SLC44A5: variants seen among roughly 807,000 people sequenced by gnomAD.
SLC44A5 encodes solute carrier family 44 member 5, also known as choline transporter-like protein 5.
Under a neutral mutation model 101.8 loss-of-function variants are expected in SLC44A5, and 57 were observed. That is an observed-to-expected ratio of 0.56 (90% CI 0.45 to 0.70). The LOEUF (loss-of-function observed/expected upper bound fraction) is 0.70, where lower values mean the gene tolerates loss of function less well. SLC44A5 is among the 30% of genes least tolerant of loss of function. SLC44A5 has a pLI of 0.00. For missense variants in SLC44A5, 737 were observed against 853.1 expected (o/e 0.86, Z 1.70); for synonymous variants, 281 against 290.9 (o/e 0.97, Z 0.35).
the SLC44A5 span, among the ~76,000 whole-genome samples, chr1:75,712,087 T>G: frequency 6.6e-6 from 1 of 152,242 alleles, no homozygotes; most frequent in Non-Finnish European, 1.5e-5. Flanking sequence ...TTTGTCTTTC[T>G]ATTGGTTTCC....
At chr1:75,251,728 CTTAGT>C (rs2100649060) in intron 6 of SLC44A5, among the ~76,000 whole-genome samples, 1 of 152,178 alleles carries the variant, frequency 6.6e-6, no homozygotes, top group East Asian at 1.9e-4. Flanking sequence ...GATTATATTG[CTTAGT>C]TTATTTTTTG....
the SLC44A5 span, among the ~76,000 whole-genome samples, chr1:75,700,372 A>G: frequency 6.6e-6 from 1 of 151,354 alleles, no homozygotes; most frequent in African/African-American, 2.4e-5. Context: ...CCGCTCAACT[A>G]CATGGAAACT....
chr1:75,530,650 C>A (rs961553528), intron 2 of SLC44A5, among the ~76,000 whole-genome samples: 2 of 152,064 alleles, frequency 1.3e-5, no homozygotes, highest in Non-Finnish European at 2.9e-5. Flanking sequence ...CTTTGTTTAC[C>A]CACTAATTGC....
At chr1:75,393,576 T>C (rs1013618112) in intron 3 of SLC44A5, among the ~76,000 whole-genome samples, 1 of 152,180 alleles carries the variant, frequency 6.6e-6, no homozygotes, top group Non-Finnish European at 1.5e-5. Context: ...ATATTTGCTT[T>C]TGTGGTTTGA....
intron 16 of SLC44A5, 37 bp downstream of exon 16, chr1:75,219,220 A>G: frequency 7.4e-7 from 1 of 1,351,886 alleles, no homozygotes; most frequent in Non-Finnish European, 1.1e-6. Flanking sequence ...AGAAGTCTAT[A>G]TTGAAGTAAG....
chr1:75,500,422 T>C (rs1438452327), intron 2 of SLC44A5, among the ~76,000 whole-genome samples: 3 of 152,038 alleles, frequency 2.0e-5, no homozygotes, highest in Non-Finnish European at 4.4e-5. Flanking sequence ...TAAACAAAAG[T>C]AATATTTACC....
chr1:75,219,689 T>C, intron 15 of SLC44A5, 111 bp downstream of exon 15: 1 of 684,052 alleles, frequency 1.5e-6, no homozygotes, highest in Non-Finnish European at 2.5e-6. Context: ...AATAGTTATT[T>C]CTTAGTACAT....
chr1:75,296,572 T>C (rs1017470797), intron 5 of SLC44A5, among the ~76,000 whole-genome samples: 6 of 152,024 alleles, frequency 3.9e-5, no homozygotes, highest in Non-Finnish European at 7.4e-5. Context: ...TTGAATTCAT[T>C]AGGTACATTT....
intron 2 of SLC44A5, among the ~76,000 whole-genome samples, chr1:75,475,183 T>A (rs1667314803): frequency 6.6e-6 from 1 of 152,198 alleles, no homozygotes; most frequent in African/African-American, 2.4e-5. Context: ...TATTCACAGC[T>A]CAGCAAAAGC....
chr1:75,346,965 C>T (rs1007738512), intron 3 of SLC44A5, among the ~76,000 whole-genome samples: 1 of 152,106 alleles, frequency 6.6e-6, no homozygotes, highest in Non-Finnish European at 1.5e-5. Context: ...GTGACTTCAT[C>T]TTGCTTTTCT....
At chr1:75,435,697 G>T (rs1014910321) in intron 2 of SLC44A5, among the ~76,000 whole-genome samples, 1 of 152,010 alleles carries the variant, frequency 6.6e-6, no homozygotes, top group Non-Finnish European at 1.5e-5. Context: ...TGGTTTATGA[G>T]AACCCAAGAC....
At chr1:75,347,960 T>C (rs1373339808) in intron 3 of SLC44A5, among the ~76,000 whole-genome samples, 6 of 152,148 alleles carry the variant, frequency 3.9e-5, no homozygotes, top group African/African-American at 1.4e-4. Context: ...TGTTATATTC[T>C]GCATAGATTT....
chr1:75,510,247 C>T (rs886833154), intron 2 of SLC44A5, among the ~76,000 whole-genome samples: 1 of 152,080 alleles, frequency 6.6e-6, no homozygotes, highest in African/African-American at 2.4e-5. Context: ...ATCTAACGCA[C>T]ACCAGACAGT....
intron 3 of SLC44A5, among the ~76,000 whole-genome samples, chr1:75,386,532 A>G (rs1281682412): frequency 1.3e-5 from 2 of 152,220 alleles, no homozygotes; most frequent in African/African-American, 4.8e-5. Context: ...AAGGAGAACT[A>G]CAAACCGCTG....
intron 2 of SLC44A5, among the ~76,000 whole-genome samples, chr1:75,523,908 A>G (rs775318400): frequency 5.3e-5 from 8 of 152,244 alleles, no homozygotes; most frequent in Non-Finnish European, 1.0e-4. Flanking sequence ...CAAAATATTA[A>G]TAGTGGCAAT....
chr1:75,483,811 A>G (rs1419333417), intron 2 of SLC44A5, among the ~76,000 whole-genome samples: 1 of 152,208 alleles, frequency 6.6e-6, no homozygotes, highest in Non-Finnish European at 1.5e-5. Flanking sequence ...TCACAGTTCC[A>G]TATGGCTGGG....
chr1:75,488,993 C>T (rs1328817400), intron 2 of SLC44A5, among the ~76,000 whole-genome samples: 5 of 152,252 alleles, frequency 3.3e-5, no homozygotes, highest in Admixed American at 2.0e-4. Flanking sequence ...GGATTACAGG[C>T]ATACACCACC....
the SLC44A5 span, among the ~76,000 whole-genome samples, chr1:75,701,763 A>T: frequency 1.3e-5 from 2 of 152,186 alleles, no homozygotes; most frequent in African/African-American, 4.8e-5. Context: ...AAACCCCATC[A>T]TCTCAGCCCA....
At chr1:75,651,732 C>T in the SLC44A5 span, among the ~76,000 whole-genome samples, 1 of 147,626 alleles carries the variant, frequency 6.8e-6, no homozygotes, top group African/African-American at 2.5e-5. Flanking sequence ...CAATACTCAA[C>T]TCTTCTTGGC....
Sources: gnomAD v4.1 joint callset for allele counts (sites outside exome capture counted in the v4.1 genomes callset) on GRCh38, gnomAD v4.1.1 for gene constraint, MANE v1.5 for transcripts, NCBI Gene and HGNC (gene_info 2026-07-23, HGNC 2026-07-21) for gene names.